TMEM107: variants seen among roughly 807,000 people sequenced by gnomAD.
The protein encoded by TMEM107 is transmembrane protein 107.
In TMEM107, 18 loss-of-function variants were observed where a neutral mutation model predicts 16.8. That is an observed-to-expected ratio of 1.07 (90% CI 0.74 to 1.59). TMEM107 has a LOEUF of 1.59. Among genes scored for constraint, TMEM107 ranks in the 40% most tolerant of loss-of-function variants. TMEM107 has a pLI of 0.00. For missense variants in TMEM107, 152 were observed against 175.4 expected, an observed-to-expected ratio of 0.87 and a Z score of 0.75; for synonymous variants, 68 against 71.6, an observed-to-expected ratio of 0.95 and a Z score of 0.25.
In TMEM107 at chr17:8,173,600, G is replaced by C. The variant is rs201296288; in HGVS notation, c.*603C>G. The C allele has an allele frequency of 6.7e-4, 511 of 760,038 alleles. No individual in the cohort carries two copies. Among genetic ancestry groups the C allele is most frequent in the Non-Finnish European group, 9.1e-4 (377 of 414,350 alleles). 47.1% of individuals were successfully genotyped at this position (760,038 alleles called of 1,614,324 possible). A position where few individuals can be genotyped will look rare whatever the true frequency, so the allele number is the denominator to read the frequency against. On this transcript the variant is annotated 3_prime_UTR_variant, in exon 5 of 5. Coordinates refer to ENST00000437139, the MANE Select transcript of TMEM107 (RefSeq NM_183065.4). ...TCCCACCTGACGATACAGACAAACA[G>C]CCGACATTCTGCACTCAGTGAAAAA...
chr17:8,173,902 A>G lies in TMEM107; in HGVS notation c.*301T>C, dbSNP rs1228186534. The G allele has an allele frequency of 4.0e-6, 2 of 496,988 alleles. No homozygotes were observed. The highest frequency in any genetic ancestry group is 3.7e-5 in the Admixed American group (1 of 27,024). 30.8% of individuals were successfully genotyped at this position (496,988 alleles called of 1,614,324 possible). ...AACCAAAATAGAAGCGATACCAAGT[A>G]TCTTACGGTCTGCAGGACTAGAAAA... is the stretch of plus-strand genomic sequence containing the variant. On this transcript the variant is annotated 3_prime_UTR_variant, in exon 5 of 5. Coordinates refer to ENST00000437139, the MANE Select transcript of TMEM107 (RefSeq NM_183065.4).
chr17:8,174,501 A>C lies in TMEM107; in HGVS notation c.353+19T>G. The C allele has an allele frequency of 6.2e-7, 1 of 1,612,308 alleles. No individual in the cohort carries two copies. Among genetic ancestry groups the C allele is most frequent in the Non-Finnish European group, 8.5e-7 (1 of 1,178,348 alleles). ...GCCAACCTTCCTCCCTCATCCCCAA[A>C]TATTGGATGCTACCACACCTGCAGA... On this transcript the variant is annotated intron_variant, in intron 4 of 4. Transcript: ENST00000437139.
At chr17:8,176,086 G>T (rs1984112382) in intron 1 of TMEM107, 60 bp from the exon 2 acceptor site, 1 of 1,611,776 alleles carries the variant, frequency 6.2e-7, no homozygotes, top group Admixed American at 1.7e-5. Context: ...CAGGCCTGGG[G>T]GCGGCGGGAA....
At position 8,173,440 on chromosome 17, in the gene TMEM107, G is replaced by T. The variant is rs377665716; in HGVS notation, c.*763C>A. 8 of 761,076 alleles carry T rather than the reference G, an allele frequency of 1.1e-5. No homozygotes were observed. The highest frequency in any genetic ancestry group is 1.4e-5 in the Non-Finnish European group (6 of 415,920). The allele number at this position is 761,076 out of a possible 1,614,324, so 47.1% of individuals were successfully genotyped here. On this transcript the variant is annotated 3_prime_UTR_variant, in exon 5 of 5. Coordinates refer to ENST00000437139, the MANE Select transcript of TMEM107 (RefSeq NM_183065.4). ...TAATCAGCATAACACAAATGTAAGT[G>T]ATCGTCAGAAAGAATCAGACAGGAG...
chr17:8,175,648 T>A (rs900558822), intron 3 of TMEM107, 109 bp downstream of exon 3: 2 of 955,336 alleles, frequency 2.1e-6, no homozygotes, highest in Non-Finnish European at 3.4e-6. Context: ...TCGTTGAAGA[T>A]CTTTGAACTG....
rs780962917 is a variant in TMEM107, at chr17:8,174,232, C to T, written c.394G>A (p.Val132Ile). 3 of 1,614,016 alleles carry T rather than the reference C, an allele frequency of 1.9e-6. No individual in the cohort carries two copies. Among genetic ancestry groups the T allele is most frequent in the Non-Finnish European group, 8.5e-7 (1 of 1,180,024 alleles). Residue 132 changes from valine to isoleucine, a missense_variant, in exon 5 of 5, where the codon GTC (valine) becomes ATC (isoleucine). Transcript: ENST00000437139. ...AAGGGTTTCTTTTTCAGCCCAAAGA[C>T]GGTGACGAATAAAGCCATTTCAGTG... ...AVTEMALFVT[V>I]FGLKKKPF
chr17:8,174,235 T>A lies in TMEM107; in HGVS notation c.391A>T (p.Thr131Ser). The A allele has an allele frequency of 6.2e-7, 1 of 1,614,102 alleles. No homozygotes were observed. Among genetic ancestry groups the A allele is most frequent in the Non-Finnish European group, 8.5e-7 (1 of 1,180,008 alleles). ...PAVTEMALFV[T>S]VFGLKKKPF ...GGTTTCTTTTTCAGCCCAAAGACGG[T>A]GACGAATAAAGCCATTTCAGTGACA... Residue 131 changes from threonine (T) to serine (S), a missense_variant, in exon 5 of 5, where the codon ACC becomes TCC. Thr to Ser is a moderately conservative substitution (Grantham distance 58, BLOSUM62 1). Coordinates refer to ENST00000437139, the MANE Select transcript of TMEM107 (RefSeq NM_183065.4).
At chr17:8,175,611 G>A in intron 3 of TMEM107, 146 bp downstream of exon 3, 2 of 815,820 alleles carry the variant, frequency 2.5e-6, no homozygotes, top group Non-Finnish European at 2.1e-6. Flanking sequence ...GATTTTAAGT[G>A]CCTAGTAAAC....
Position 8,173,434 on chromosome 17 carries a change from G to C in TMEM107, c.*769C>G, listed in dbSNP as rs145864249. Reference sequence around the variant, plus strand: ...ATCTGCTAATCAGCATAACACAAATGTAAGTGATCGTCAGAAAGAATCAGA... The same window carrying C: ...ATCTGCTAATCAGCATAACACAAATCTAAGTGATCGTCAGAAAGAATCAGA... On this transcript the variant is annotated 3_prime_UTR_variant, in exon 5 of 5. Transcript: ENST00000437139. 3.4e-5 allele frequency: 26 copies of C among 760,356 alleles called. No homozygotes were observed. The highest frequency in any genetic ancestry group is 1.0e-4 in the Admixed American group (6 of 58,768). The allele number at this position is 760,356 out of a possible 1,614,324, so 47.1% of individuals were successfully genotyped here.
rs933243349 is a variant in TMEM107, at chr17:8,173,188, C to T, written c.*1015G>A. ...GATATTTACTGATGTGCAATGTTTC[C>T]TGAGAAGTGAGGATTAAAGTTATCA... is the stretch of plus-strand genomic sequence containing the variant. On this transcript the variant is annotated 3_prime_UTR_variant, in exon 5 of 5. Transcript: ENST00000437139. The T allele has an allele frequency of 2.7e-6, 1 of 373,388 alleles. No homozygotes were observed. The highest frequency in any genetic ancestry group is 5.0e-6 in the Non-Finnish European group (1 of 200,732). 23.1% of individuals were successfully genotyped at this position (373,388 alleles called of 1,614,324 possible). A position where few individuals can be genotyped will look rare whatever the true frequency, so the allele number is the denominator to read the frequency against.
At chr17:8,174,334 A>T (rs764991075) in intron 4 of TMEM107, 62 bp from the exon 5 acceptor site, 4 of 1,502,604 alleles carry the variant, frequency 2.7e-6, no homozygotes, top group Non-Finnish European at 3.7e-6. Flanking sequence ...TCTCCAAACC[A>T]GAGACCCCAC....
In TMEM107 at chr17:8,172,873, AAACC is replaced by A. The variant is rs1567547834; in HGVS notation, c.*1326_*1329del. On this transcript the variant is annotated 3_prime_UTR_variant, in exon 5 of 5. Coordinates refer to ENST00000437139, the MANE Select transcript of TMEM107 (RefSeq NM_183065.4). Reference sequence around the variant, plus strand: ...ACTGTCTCAAAAAAAAAAAAAAAAAAAACCAAAAGAGGGGGGTGGTCAACATACC... The same window carrying A: ...ACTGTCTCAAAAAAAAAAAAAAAAAAAAAAGAGGGGGGTGGTCAACATACC... 3.4e-5 allele frequency among the ~76,000 whole-genome samples: 5 copies of A among 149,146 alleles called. 1 individual carries two copies. The highest frequency in any genetic ancestry group is 4.2e-4 in the South Asian group (2 of 4,714).
chr17:8,174,134 T>C lies in TMEM107; in HGVS notation c.*69A>G. Reference sequence around the variant, plus strand: ...GGGAAAACCGAAGCCTATGCCTTCCTTCTTCCAGGAATACGAAGCGGCCCT... The same window carrying C: ...GGGAAAACCGAAGCCTATGCCTTCCCTCTTCCAGGAATACGAAGCGGCCCT... On this transcript the variant is annotated 3_prime_UTR_variant, in exon 5 of 5. Transcript: ENST00000437139. 1 of 1,429,364 alleles carries C rather than the reference T, an allele frequency of 7.0e-7. No homozygotes were observed. Among genetic ancestry groups the C allele is most frequent in the African/African-American group, 1.4e-5 (1 of 71,096 alleles). 88.5% of individuals were successfully genotyped at this position (1,429,364 alleles called of 1,614,324 possible).
In TMEM107 at chr17:8,173,564, G is replaced by T; in HGVS notation, c.*639C>A. ...TAATCTGCCCTCCGGAGGAGGAACA[G>T]GTAAGGATTATCCCACCTGACGATA... On this transcript the variant is annotated 3_prime_UTR_variant, in exon 5 of 5. Coordinates refer to ENST00000437139, the MANE Select transcript of TMEM107 (RefSeq NM_183065.4). 2 of 765,208 alleles carry T rather than the reference G, an allele frequency of 2.6e-6. No individual in the cohort carries two copies. The highest frequency in any genetic ancestry group is 2.4e-6 in the Non-Finnish European group (1 of 417,928). The allele number at this position is 765,208 out of a possible 1,614,324, so 47.4% of individuals were successfully genotyped here. A position where few individuals can be genotyped will look rare whatever the true frequency, so the allele number is the denominator to read the frequency against.
At chr17:8,175,607 A>T in intron 3 of TMEM107, 150 bp downstream of exon 3, 1 of 802,616 alleles carries the variant, frequency 1.2e-6, no homozygotes, top group Non-Finnish European at 2.2e-6. Context: ...TTGGGATTTT[A>T]AGTGCCTAGT....
Position 8,174,265 on chromosome 17 carries a change from G to C in TMEM107, c.361C>G (p.Pro121Ala), listed in dbSNP as rs2151448942. The C allele has an allele frequency of 1.9e-6, 3 of 1,614,124 alleles. No homozygotes were observed. The South Asian group carries it at 3.3e-5, about 18-fold the overall frequency. ...WYIFVFCSAL[P>A]AVTEMALFVT... ...AATAAAGCCATTTCAGTGACAGCTG[G>C]AAGGGCACTACCAAGGCAAGTGGTA... Residue 121 changes from proline to alanine, a missense_variant, in exon 5 of 5, where the codon CCA (proline) becomes GCA (alanine). Physicochemically the swap from Pro to Ala is conservative, Grantham distance 27. Coordinates refer to ENST00000437139, the MANE Select transcript of TMEM107 (RefSeq NM_183065.4).
At position 8,173,488 on chromosome 17, in the gene TMEM107, G is replaced by A. The variant is rs150885627; in HGVS notation, c.*715C>T. 82 of 765,068 alleles carry A rather than the reference G, an allele frequency of 1.1e-4. No homozygotes were observed. Among genetic ancestry groups the A allele is most frequent in the African/African-American group, 3.7e-4 (22 of 59,238 alleles). 47.4% of individuals were successfully genotyped at this position (765,068 alleles called of 1,614,324 possible). ...GAGCAATCAGGGTGTTGCAAGTCCTGATTACGCAGAGACGTTAATCACGTT... is the reference window on the plus strand; with the variant it reads ...GAGCAATCAGGGTGTTGCAAGTCCTAATTACGCAGAGACGTTAATCACGTT... On this transcript the variant is annotated 3_prime_UTR_variant, in exon 5 of 5. Coordinates refer to ENST00000437139, the MANE Select transcript of TMEM107 (RefSeq NM_183065.4).
chr17:8,173,319 T>C lies in TMEM107; in HGVS notation c.*884A>G, dbSNP rs375803566. On this transcript the variant is annotated 3_prime_UTR_variant, in exon 5 of 5. Coordinates refer to ENST00000437139, the MANE Select transcript of TMEM107 (RefSeq NM_183065.4). ...CAAGAACAAACAAATTTAGCAAGAC[T>C]GCAAAATAGACAAACAGCAATAGCA... The C allele has an allele frequency of 1.6e-5, 9 of 550,602 alleles. No homozygotes were observed. The highest frequency in any genetic ancestry group is 2.8e-5 in the East Asian group (1 of 35,154). The allele number at this position is 550,602 out of a possible 1,614,324, so 34.1% of individuals were successfully genotyped here. A position where few individuals can be genotyped will look rare whatever the true frequency, so the allele number is the denominator to read the frequency against.
At position 8,173,531 on chromosome 17, in the gene TMEM107, T is replaced by A. The variant is rs755495846; in HGVS notation, c.*672A>T. On this transcript the variant is annotated 3_prime_UTR_variant, in exon 5 of 5. Coordinates refer to ENST00000437139, the MANE Select transcript of TMEM107 (RefSeq NM_183065.4). ...ATCACGTTTCATGCATCTCCAATCA[T>A]CATGTTCTAATCTGCCCTCCGGAGG... The A allele has an allele frequency of 7.8e-6, 6 of 765,312 alleles. No homozygotes were observed. The highest frequency in any genetic ancestry group is 1.7e-5 in the African/African-American group (1 of 59,116). The allele number at this position is 765,312 out of a possible 1,614,324, so 47.4% of individuals were successfully genotyped here. A position where few individuals can be genotyped will look rare whatever the true frequency, so the allele number is the denominator to read the frequency against.
Sources: allele counts gnomAD v4.1 joint callset (sites outside exome capture counted in the v4.1 genomes callset), GRCh38; gene constraint gnomAD v4.1.1; transcripts MANE v1.5; gene names NCBI Gene and HGNC (gene_info 2026-07-23, HGNC 2026-07-21).